Variants in B3GALT1 observed in about 807,000 individuals in gnomAD.
B3GALT1 encodes the protein beta-1,3-galactosyltransferase 1, also known as UDP-Gal:betaGlcNAc beta 1,3-galactosyltransferase, polypeptide 1.
Under a neutral mutation model 23.2 loss-of-function variants are expected in B3GALT1, and 10 were observed. The ratio of observed to expected loss-of-function variants is 0.43; its 90% CI spans 0.27 to 0.73. B3GALT1 has a LOEUF of 0.73. Among genes scored for constraint, B3GALT1 ranks in the 30% least tolerant of loss-of-function variants. The probability of loss-of-function intolerance (pLI) is 0.21; values close to 1 mark genes in which losing one functional copy is unlikely to be tolerated. For missense variants in B3GALT1, 299 were observed against 405.4 expected (o/e 0.74, Z 2.25); for synonymous variants, 156 against 141.5 (o/e 1.10, Z -0.73).
intron 2 of B3GALT1, among the ~76,000 whole-genome samples, chr2:167,644,115 G>A (rs1478708438): frequency 2.6e-5 from 4 of 152,168 alleles, no homozygotes; most frequent in Non-Finnish European, 5.9e-5. Context: ...GAGGTGTTTA[G>A]AATTGTTAGA....
At chr2:167,391,656 G>A (rs752941240) in intron 1 of B3GALT1, among the ~76,000 whole-genome samples, 1 of 152,144 alleles carries the variant, frequency 6.6e-6, no homozygotes, top group Non-Finnish European at 1.5e-5. Flanking sequence ...GATCGATAAT[G>A]TACAAGCATT....
intron 3 of B3GALT1, among the ~76,000 whole-genome samples, chr2:167,720,472 T>C (rs1420843017): frequency 6.6e-6 from 1 of 152,172 alleles, no homozygotes; most frequent in African/African-American, 2.4e-5. Context: ...TCACTGTCAA[T>C]AAACACCACT....
intron 1 of B3GALT1, among the ~76,000 whole-genome samples, chr2:167,300,361 G>A (rs751924272): frequency 2.0e-5 from 3 of 152,098 alleles, no homozygotes; most frequent in Non-Finnish European, 2.9e-5. Context: ...GAGAAAAAGA[G>A]TAATACTAAA....
At chr2:167,683,985 C>T (rs1274323939) in intron 3 of B3GALT1, among the ~76,000 whole-genome samples, 2 of 152,190 alleles carry the variant, frequency 1.3e-5, no homozygotes, top group Non-Finnish European at 2.9e-5. Flanking sequence ...ACTCATCCTT[C>T]ACATGTTAGC....
intron 3 of B3GALT1, among the ~76,000 whole-genome samples, chr2:167,796,299 T>C (rs6433013): frequency 0.35 from 53,632 of 152,102 alleles, 10,159 homozygotes; most frequent in African/African-American, 0.47. Flanking sequence ...TTTCATAAAT[T>C]GGATCTGATT....
intron 3 of B3GALT1, among the ~76,000 whole-genome samples, chr2:167,803,087 C>T (rs199641901): frequency 5.6e-5 from 6 of 106,446 alleles, no homozygotes; most frequent in South Asian, 7.4e-4. Flanking sequence ...AACAAACACA[C>T]ACACACACAC....
At chr2:167,441,754 AG>A (rs1443869496) in intron 1 of B3GALT1, among the ~76,000 whole-genome samples, 1 of 152,110 alleles carries the variant, frequency 6.6e-6, no homozygotes, top group African/African-American at 2.4e-5. Flanking sequence ...AGAGCTGGGC[AG>A]GGGGGCATGC....
At chr2:167,296,853 G>A (rs548274141) in intron 1 of B3GALT1, among the ~76,000 whole-genome samples, 2 of 152,154 alleles carry the variant, frequency 1.3e-5, no homozygotes, top group Admixed American at 1.3e-4. Context: ...TAAAAATATA[G>A]TGATAACTTA....
intron 2 of B3GALT1, among the ~76,000 whole-genome samples, chr2:167,502,611 G>T (rs1048247059): frequency 4.6e-5 from 7 of 152,080 alleles, no homozygotes; most frequent in Non-Finnish European, 1.0e-4. Context: ...GAGAGCAAAG[G>T]GGGAAGTGCC....
chr2:167,782,892 A>G (rs2105321369), intron 3 of B3GALT1, among the ~76,000 whole-genome samples: 1 of 152,372 alleles, frequency 6.6e-6, no homozygotes, highest in South Asian at 2.1e-4. Flanking sequence ...GAGAATAATA[A>G]GAATATATTA....
At chr2:167,561,299 C>A (rs933636288) in intron 2 of B3GALT1, among the ~76,000 whole-genome samples, 21 of 152,128 alleles carry the variant, frequency 1.4e-4, no homozygotes, top group Non-Finnish European at 1.9e-4. Flanking sequence ...GGGACACAGT[C>A]AGAGCAGTGT....
chr2:167,489,999 A>T (rs571121259), intron 1 of B3GALT1, among the ~76,000 whole-genome samples, 178 bp from the exon 2 acceptor site: 1 of 152,130 alleles, frequency 6.6e-6, no homozygotes, highest in Non-Finnish European at 1.5e-5. Flanking sequence ...AAAGGGAGAA[A>T]ATTCCTTTTC....
At chr2:167,560,094 A>G (rs1052693983) in intron 2 of B3GALT1, among the ~76,000 whole-genome samples, 2 of 152,252 alleles carry the variant, frequency 1.3e-5, no homozygotes, top group African/African-American at 2.4e-5. Context: ...CCATCAGACT[A>G]ACAGCAGATC....
At chr2:167,417,637 A>T (rs1698490308) in intron 1 of B3GALT1, among the ~76,000 whole-genome samples, 1 of 152,208 alleles carries the variant, frequency 6.6e-6, no homozygotes, top group Non-Finnish European at 1.5e-5. Context: ...CAAAGTTTTC[A>T]TGGAAATTTC....
At chr2:167,408,772 T>A (rs1698348576) in intron 1 of B3GALT1, among the ~76,000 whole-genome samples, 1 of 110,936 alleles carries the variant, frequency 9.0e-6, no homozygotes, top group Non-Finnish European at 1.8e-5. Flanking sequence ...TAGAAACCAA[T>A]CTAACCAAAG....
intron 3 of B3GALT1, among the ~76,000 whole-genome samples, chr2:167,789,382 C>T (rs1347947835): frequency 6.6e-6 from 1 of 152,074 alleles, no homozygotes; most frequent in Non-Finnish European, 1.5e-5. Context: ...CTAGTATGTT[C>T]CTTAACCTCT....
chr2:167,336,852 G>T (rs1053689077), intron 1 of B3GALT1, among the ~76,000 whole-genome samples: 5 of 152,072 alleles, frequency 3.3e-5, no homozygotes, highest in East Asian at 1.9e-4. Context: ...ATCCTGAAAT[G>T]TGTCATGAAT....
At chr2:167,507,228 C>T (rs988465633) in intron 2 of B3GALT1, among the ~76,000 whole-genome samples, 3 of 151,814 alleles carry the variant, frequency 2.0e-5, no homozygotes, top group Admixed American at 6.6e-5. Context: ...AATAAGAGGG[C>T]GGGTGCAGTG....
chr2:167,315,858 A>G (rs186957910), intron 1 of B3GALT1, among the ~76,000 whole-genome samples: 1 of 152,288 alleles, frequency 6.6e-6, no homozygotes, highest in East Asian at 1.9e-4. Flanking sequence ...ATATAATAGG[A>G]TATGTTTTGA....
Sources: allele counts gnomAD v4.1 joint callset (sites outside exome capture counted in the v4.1 genomes callset), GRCh38; gene constraint gnomAD v4.1.1; transcripts MANE v1.5; gene names NCBI Gene and HGNC (gene_info 2026-07-23, HGNC 2026-07-21).